XXYLT1: variants seen among roughly 807,000 people sequenced by gnomAD.
XXYLT1 encodes xyloside xylosyltransferase 1.
Under a neutral mutation model 28.9 loss-of-function variants are expected in XXYLT1, and 20 were observed. The observed-to-expected ratio is 0.69, with a 90% confidence interval of 0.49 to 1.00. The LOEUF (loss-of-function observed/expected upper bound fraction) is 1.00. XXYLT1 is among the 50% of genes least tolerant of loss of function. The pLI is 0.00. For missense variants in XXYLT1, 542 were observed against 560.1 expected (o/e 0.97, Z 0.33); for synonymous variants, 257 against 253.8 (o/e 1.01, Z -0.12).
chr3:195,146,400 C>A (rs10049292), intron 3 of XXYLT1, among the ~76,000 whole-genome samples: 6,212 of 152,332 alleles, frequency 0.041, 413 homozygotes, highest in African/African-American at 0.14. Flanking sequence ...AGCAATGCAA[C>A]AAAGCACACA....
rs575654392 is a variant in XXYLT1 at position 195,261,867 on chromosome 3, C to A, written c.504+8688G>T. On this transcript the variant is annotated intron_variant, in intron 1 of 3. Transcript: ENST00000310380. The stretch of plus-strand genomic sequence containing the variant: ...CTGTAATTGAAAAGATGGATGATTA[C>A]AAGTGCTGGTGAGGATGTGGAGAAA... 1.8e-3 allele frequency among the ~76,000 whole-genome samples: 271 copies of A among 152,298 alleles called. 1 individual carries two copies. Among genetic ancestry groups the A allele is most frequent in the African/African-American group, 5.1e-3 (212 of 41,568 alleles).
At chr3:195,169,877 T>A (rs1469272434) in intron 2 of XXYLT1, among the ~76,000 whole-genome samples, 6 of 150,194 alleles carry the variant, frequency 4.0e-5, no homozygotes, top group African/African-American at 1.5e-4. Context: ...ATATTTTTTT[T>A]TTTTTGAGAT....
At chr3:195,142,148 C>G (rs1399787871) in intron 3 of XXYLT1, among the ~76,000 whole-genome samples, 1 of 152,234 alleles carries the variant, frequency 6.6e-6, no homozygotes, top group East Asian at 1.9e-4. Context: ...ACCCTCCCTG[C>G]TCCACCACAT....
intron 3 of XXYLT1, among the ~76,000 whole-genome samples, chr3:195,113,158 C>T (rs192773342): frequency 1.1e-4 from 17 of 152,322 alleles, no homozygotes; most frequent in Admixed American, 1.1e-3. Context: ...CTCCTTGGTC[C>T]GTGGACCTTC....
chr3:195,244,130 C>T (rs1724901660), intron 1 of XXYLT1, among the ~76,000 whole-genome samples: 1 of 152,224 alleles, frequency 6.6e-6, no homozygotes. Flanking sequence ...TCTAGGACTC[C>T]TGCAAGATTG....
intron 2 of XXYLT1, among the ~76,000 whole-genome samples, chr3:195,193,161 G>A (rs1034150204): frequency 6.6e-5 from 10 of 151,680 alleles, no homozygotes; most frequent in East Asian, 3.9e-4. Flanking sequence ...GGTGGTGTGC[G>A]CCTGTAATCC....
At chr3:195,213,697 G>A (rs1723433411) in intron 2 of XXYLT1, among the ~76,000 whole-genome samples, 1 of 152,210 alleles carries the variant, frequency 6.6e-6, no homozygotes, top group Non-Finnish European at 1.5e-5. Context: ...GTTTTTTACT[G>A]CAGTACCTAT....
At chr3:195,191,730 C>T (rs1416579030) in intron 2 of XXYLT1, among the ~76,000 whole-genome samples, 1 of 152,154 alleles carries the variant, frequency 6.6e-6, no homozygotes, top group Non-Finnish European at 1.5e-5. Flanking sequence ...GCTGTATTAA[C>T]AAGAGACACA....
intron 1 of XXYLT1, among the ~76,000 whole-genome samples, chr3:195,248,305 G>C (rs539589613): frequency 6.6e-6 from 1 of 152,206 alleles, no homozygotes; most frequent in Non-Finnish European, 1.5e-5. Flanking sequence ...GTTTGGCTGT[G>C]TCTCTCCCCA....
intron 1 of XXYLT1, among the ~76,000 whole-genome samples, chr3:195,251,511 G>A (rs1330129676): frequency 2.0e-5 from 3 of 152,292 alleles, no homozygotes; most frequent in East Asian, 1.9e-4. Flanking sequence ...GCTGAGCACC[G>A]GGTCCAGACT....
intron 2 of XXYLT1, among the ~76,000 whole-genome samples, chr3:195,201,635 T>G (rs1722853283): frequency 6.6e-6 from 1 of 152,210 alleles, no homozygotes; most frequent in Non-Finnish European, 1.5e-5. Flanking sequence ...TTCACGCTTT[T>G]GGCTCTGCCA....
rs538772149 is a variant in XXYLT1, at chr3:195,118,036, C to A, written c.785+38413G>T. Among the ~76,000 whole-genome samples, 6 of 152,334 alleles carry A rather than the reference C, an allele frequency of 3.9e-5. No individual in the cohort carries two copies. The South Asian group carries it at 1.2e-3, about 32-fold the overall frequency. On this transcript the variant is annotated intron_variant, in intron 3 of 3. Transcript: ENST00000310380. ...CTTCTGCTCTCTGCTCCACGTCCTG[C>A]CCCCTAGAGCCACAAGGAACAAGTA...
intron 1 of XXYLT1, among the ~76,000 whole-genome samples, chr3:195,229,945 T>C (rs186550790): frequency 1.6e-4 from 25 of 152,290 alleles, no homozygotes; most frequent in Admixed American, 3.3e-4. Flanking sequence ...CTATTTTCAG[T>C]TTTTTGAGGA....
At position 195,229,923 on chromosome 3, in the gene XXYLT1, C is replaced by G. The variant is rs371615235; in HGVS notation, c.505-3067G>C. 3.9e-5 allele frequency among the ~76,000 whole-genome samples: 6 copies of G among 152,180 alleles called. No individual in the cohort carries two copies. In the East Asian group the frequency reaches 1.2e-3, roughly 29 times the overall value. Reference sequence around the variant, plus strand: ...ATATCTAGCAGTGGGATTGCAGGATCATATGCTAGCTCTATTTTCAGTTTT... The same window carrying G: ...ATATCTAGCAGTGGGATTGCAGGATGATATGCTAGCTCTATTTTCAGTTTT... On this transcript the variant is annotated intron_variant, in intron 1 of 3. Coordinates refer to ENST00000310380, the MANE Select transcript of XXYLT1 (RefSeq NM_152531.5).
At chr3:195,265,080 A>G (rs1725802731) in intron 1 of XXYLT1, among the ~76,000 whole-genome samples, 1 of 152,066 alleles carries the variant, frequency 6.6e-6, no homozygotes, top group Non-Finnish European at 1.5e-5. Flanking sequence ...AAAAAGAGTA[A>G]AAGAAAAGGC....
chr3:195,085,463 T>G (rs1006626019), intron 3 of XXYLT1, among the ~76,000 whole-genome samples: 29 of 152,208 alleles, frequency 1.9e-4, no homozygotes, highest in Non-Finnish European at 3.5e-4. Context: ...CATCCCCATG[T>G]CTAAGCATGC....
At chr3:195,223,366 C>T (rs1315909702) in intron 2 of XXYLT1, among the ~76,000 whole-genome samples, 1 of 152,160 alleles carries the variant, frequency 6.6e-6, no homozygotes, top group Non-Finnish European at 1.5e-5. Flanking sequence ...TAGACAGGAC[C>T]TCCAGGAGGA....
At position 195,087,950 on chromosome 3, in the gene XXYLT1, T is replaced by C. The variant is rs140655497; in HGVS notation, c.786-17839A>G. On this transcript the variant is annotated intron_variant, in intron 3 of 3. Transcript: ENST00000310380. ...AGACGCACCTGGAAAATCGGGTCACTCCCACCTGAATACTGCGCTTTTCCA... is the reference window on the plus strand; with the variant it reads ...AGACGCACCTGGAAAATCGGGTCACCCCCACCTGAATACTGCGCTTTTCCA... 3.4e-3 allele frequency among the ~76,000 whole-genome samples: 513 copies of C among 152,008 alleles called. 25 individuals carry two copies. The East Asian group carries it at 0.091, about 27-fold the overall frequency.
intron 1 of XXYLT1, among the ~76,000 whole-genome samples, chr3:195,230,777 C>T (rs1487533523): frequency 6.6e-6 from 1 of 152,188 alleles, no homozygotes; most frequent in Non-Finnish European, 1.5e-5. Flanking sequence ...GTTTTGGTTA[C>T]TATAACTCTG....
Sources: allele counts gnomAD v4.1 joint callset (sites outside exome capture counted in the v4.1 genomes callset), GRCh38; gene constraint gnomAD v4.1.1; transcripts MANE v1.5; gene names NCBI Gene and HGNC (gene_info 2026-07-23, HGNC 2026-07-21).